DMD: variants seen among roughly 807,000 people sequenced by gnomAD.
DMD encodes the protein dystrophin.
A neutral mutation model predicts 330.1 loss-of-function variants in DMD; 63 were observed. The ratio of observed to expected loss-of-function variants is 0.19; its 90% CI spans 0.16 to 0.24. DMD has a LOEUF of 0.24. DMD is among the 10% of genes least tolerant of loss of function. The pLI is 1.00. For synonymous variants in DMD, 1,223 were observed against 959.8 expected (o/e 1.27, Z -5.07); for missense variants, 3,344 against 2,684.1 (o/e 1.25, Z -5.43).
intron 55 of DMD, among the ~76,000 whole-genome samples, chrX:31,553,906 A>G (rs150734206): frequency 4.4e-3 from 499 of 112,795 alleles, no homozygotes; most frequent in Non-Finnish European, 6.5e-3. Context: ...GAGGACTCTT[A>G]AGTATTGTCC....
chrX:31,472,267 A>G (rs756532625), intron 59 of DMD, among the ~76,000 whole-genome samples: 1 of 112,348 alleles, frequency 8.9e-6, no homozygotes, highest in African/African-American at 3.2e-5. Flanking sequence ...CGCCCTGTTC[A>G]TGTTGGTTCT....
chrX:32,757,928 C>CA (rs2071715768), intron 7 of DMD, among the ~76,000 whole-genome samples: 1 of 111,550 alleles, frequency 9.0e-6, no homozygotes, highest in African/African-American at 3.3e-5. Context: ...AACACCCTTT[C>CA]ACTTCCTAGC....
At chrX:32,506,915 T>G (rs1231955274) in intron 18 of DMD, among the ~76,000 whole-genome samples, 2 of 111,689 alleles carry the variant, frequency 1.8e-5, no homozygotes, top group African/African-American at 6.5e-5. Flanking sequence ...AACATCTAGT[T>G]AAAAGTAAGA....
intron 62 of DMD, among the ~76,000 whole-genome samples, chrX:31,274,906 GT>G (rs1166883789): frequency 3.7e-5 from 4 of 109,328 alleles, no homozygotes; most frequent in East Asian, 2.9e-4. Context: ...TTGTAATCCA[GT>G]TTTTTTTTAA....
intron 50 of DMD, among the ~76,000 whole-genome samples, chrX:31,806,209 T>A (rs1373034705): frequency 8.9e-6 from 1 of 112,456 alleles, no homozygotes; most frequent in Non-Finnish European, 1.9e-5. Flanking sequence ...ATTGACTTTA[T>A]AAATATGGAT....
chrX:33,058,116 G>C (rs1486709677), intron 1 of DMD, among the ~76,000 whole-genome samples: 1 of 111,780 alleles, frequency 8.9e-6, no homozygotes, highest in Non-Finnish European at 1.9e-5. Flanking sequence ...CTGATCTCAA[G>C]TGATCCGCCC....
At chrX:31,895,603 TA>T (rs1480273368) in intron 47 of DMD, among the ~76,000 whole-genome samples, 1 of 111,827 alleles carries the variant, frequency 8.9e-6, no homozygotes, top group Non-Finnish European at 1.9e-5. Flanking sequence ...TCTACAGGGA[TA>T]AACACTTTTG....
At chrX:31,859,998 G>T (rs1355554147) in intron 48 of DMD, among the ~76,000 whole-genome samples, 2 of 111,185 alleles carry the variant, frequency 1.8e-5, no homozygotes, top group African/African-American at 6.5e-5. Flanking sequence ...CACTTAAGCA[G>T]AAATTGTTTG....
intron 47 of DMD, among the ~76,000 whole-genome samples, chrX:31,904,506 T>C (rs2094456291): frequency 8.9e-6 from 1 of 112,108 alleles, no homozygotes; most frequent in South Asian, 3.7e-4. Context: ...TTGGGACTTT[T>C]GTCTTGCTAG....
chrX:32,767,169 A>C (rs2073087657), intron 7 of DMD, among the ~76,000 whole-genome samples: 1 of 111,792 alleles, frequency 8.9e-6, no homozygotes, highest in African/African-American at 3.2e-5. Context: ...GTATTTTTTG[A>C]GGCTCATTTG....
Position 31,627,753 on chromosome X carries a change from T to C in DMD, c.8137A>G (p.Asn2713Asp), listed in dbSNP as rs766553671. The C allele has an allele frequency of 1.7e-6, 2 of 1,211,282 alleles. No individual in the cohort carries two copies. Among genetic ancestry groups the C allele is most frequent in the South Asian group, 3.5e-5 (2 of 56,933 alleles). The change falls in exon 55 of 79, where the codon AAT (asparagine) becomes GAT (aspartate). Residue 2713 changes from asparagine (N) to aspartate (D), a missense_variant. By Grantham distance (23) the Asn-to-Asp change is conservative. Transcript: ENST00000357033. ...AWLTEAETTA[N>D]VLQDATRKER... Reference sequence around the variant, plus strand: ...TTACGGGTAGCATCCTGTAGGACATTGGCAGTTGTTTCAGCTTCTGTAAGC... The same window carrying C: ...TTACGGGTAGCATCCTGTAGGACATCGGCAGTTGTTTCAGCTTCTGTAAGC...
At chrX:31,527,280 C>T (rs987721361) in intron 55 of DMD, among the ~76,000 whole-genome samples, 6 of 111,854 alleles carry the variant, frequency 5.4e-5, no homozygotes, top group African/African-American at 1.6e-4. Context: ...TTGGTTAATA[C>T]TGTGAACTGG....
intron 9 of DMD, among the ~76,000 whole-genome samples, chrX:32,664,637 A>G (rs183989286): frequency 3.6e-5 from 4 of 112,335 alleles, no homozygotes; most frequent in Admixed American, 9.4e-5. Context: ...CTGGAAGGCT[A>G]TAGTGAAACC....
chrX:32,576,048 T>A (rs761912226), intron 13 of DMD, among the ~76,000 whole-genome samples: 2 of 111,524 alleles, frequency 1.8e-5, no homozygotes, highest in Admixed American at 9.6e-5. Flanking sequence ...TTGTATAACA[T>A]TTTCAAATTT....
At chrX:33,043,732 G>A (rs1393616496) in intron 1 of DMD, among the ~76,000 whole-genome samples, 3 of 110,495 alleles carry the variant, frequency 2.7e-5, no homozygotes, top group African/African-American at 6.6e-5. Flanking sequence ...TGTGCACAAC[G>A]TGCAGGTTTA....
intron 21 of DMD, among the ~76,000 whole-genome samples, chrX:32,477,657 T>A: frequency 9.0e-6 from 1 of 110,703 alleles, no homozygotes; most frequent in East Asian, 2.8e-4. Context: ...AGAAGTATAT[T>A]GAAAATTCTG....
At chrX:32,520,936 T>C (rs2046363402) in intron 17 of DMD, among the ~76,000 whole-genome samples, 1 of 108,462 alleles carries the variant, frequency 9.2e-6, no homozygotes, top group South Asian at 4.3e-4. Context: ...ATCCTCTTTC[T>C]GCAGCTCTCT....
chrX:32,904,983 A>G (rs2086615931), intron 2 of DMD, among the ~76,000 whole-genome samples: 1 of 112,458 alleles, frequency 8.9e-6, no homozygotes, highest in Non-Finnish European at 1.9e-5. Context: ...CTCTTTTGCT[A>G]GGTTTAACAT....
chrX:32,401,758 T>A (rs778425564), intron 30 of DMD, among the ~76,000 whole-genome samples: 2 of 112,834 alleles, frequency 1.8e-5, no homozygotes, highest in African/African-American at 6.4e-5. Context: ...CTTAAGGTGA[T>A]AGACACCCCA....
Sources: gnomAD v4.1 joint callset for allele counts (sites outside exome capture counted in the v4.1 genomes callset) on GRCh38, gnomAD v4.1.1 for gene constraint, MANE v1.5 for transcripts, NCBI Gene and HGNC (gene_info 2026-07-23, HGNC 2026-07-21) for gene names.